Variants in AKT3 observed in about 807,000 individuals in gnomAD.
AKT3 encodes RAC-gamma serine/threonine-protein kinase.
Under a neutral mutation model 65.3 loss-of-function variants are expected in AKT3, and 15 were observed. The ratio of observed to expected loss-of-function variants is 0.23; its 90% CI spans 0.15 to 0.35. The LOEUF (loss-of-function observed/expected upper bound fraction) is 0.35, where lower values mean the gene tolerates loss of function less well. AKT3 is among the 10% of genes least tolerant of loss of function. The pLI is 1.00. For synonymous variants in AKT3, 206 were observed against 183.8 expected, an observed-to-expected ratio of 1.12 and a Z score of -0.98; for missense variants, 243 against 576.5, an observed-to-expected ratio of 0.42 and a Z score of 5.92.
chr1:243,534,535 A>G (rs1019212681), intron 12 of AKT3, among the ~76,000 whole-genome samples: 1 of 152,248 alleles, frequency 6.6e-6, no homozygotes, highest in Non-Finnish European at 1.5e-5. Flanking sequence ...ATTTTATCCA[A>G]GAAAAGCAGA....
intron 3 of AKT3, among the ~76,000 whole-genome samples, chr1:243,684,986 C>T (rs1407092956): frequency 6.6e-6 from 1 of 152,066 alleles, no homozygotes. Flanking sequence ...TATCCTTTGC[C>T]CACTTTTTGA....
chr1:243,647,695 C>G (rs561335804), intron 4 of AKT3, among the ~76,000 whole-genome samples: 1 of 152,292 alleles, frequency 6.6e-6, no homozygotes, highest in African/African-American at 2.4e-5. Context: ...ATGTGGTATG[C>G]AAACAAGAGC....
intron 13 of AKT3, among the ~76,000 whole-genome samples, chr1:243,490,900 C>A (rs549527902): frequency 6.6e-6 from 1 of 152,372 alleles, no homozygotes; most frequent in East Asian, 1.9e-4. Context: ...GCAGCACCTG[C>A]TTTAGGCCTG....
chr1:243,749,179 C>T (rs1688653859), intron 2 of AKT3, among the ~76,000 whole-genome samples: 1 of 152,208 alleles, frequency 6.6e-6, no homozygotes, highest in Non-Finnish European at 1.5e-5. Flanking sequence ...TCATTATACA[C>T]ATCTTATCAG....
At chr1:243,577,275 T>C (rs771761303) in intron 8 of AKT3, among the ~76,000 whole-genome samples, 1 of 152,128 alleles carries the variant, frequency 6.6e-6, no homozygotes, top group African/African-American at 2.4e-5. Flanking sequence ...GCCTCCTGAG[T>C]AGCTGAGATT....
At chr1:243,582,447 CA>C (rs59718769) in intron 8 of AKT3, among the ~76,000 whole-genome samples, 6,863 of 100,914 alleles carry the variant, frequency 0.068, 145 homozygotes, top group East Asian at 0.13. Flanking sequence ...TTAGCTTTCT[CA>C]AAAAAAAAAA....
chr1:243,805,933 A>G (rs1481760236), intron 2 of AKT3, among the ~76,000 whole-genome samples: 1 of 152,232 alleles, frequency 6.6e-6, no homozygotes, highest in Non-Finnish European at 1.5e-5. Context: ...AAAAGGGTGA[A>G]TAACCATTTT....
At chr1:243,658,781 T>C (rs565389357) in intron 4 of AKT3, among the ~76,000 whole-genome samples, 1 of 150,604 alleles carries the variant, frequency 6.6e-6, no homozygotes, top group East Asian at 1.9e-4. Flanking sequence ...GGCTCATGCC[T>C]GTAATTCCAG....
chr1:243,735,338 T>C (rs1558764784), intron 2 of AKT3, among the ~76,000 whole-genome samples: 1 of 152,248 alleles, frequency 6.6e-6, no homozygotes, highest in Non-Finnish European at 1.5e-5. Flanking sequence ...GTTACATCAC[T>C]AGGCAATAAG....
chr1:243,590,976 C>T (rs1010973341), intron 8 of AKT3, among the ~76,000 whole-genome samples: 4 of 152,124 alleles, frequency 2.6e-5, no homozygotes, highest in Non-Finnish European at 5.9e-5. Flanking sequence ...AATGTCCAGG[C>T]TGTAACACAG....
chr1:243,697,102 T>C (rs1005496513), intron 2 of AKT3, among the ~76,000 whole-genome samples: 5 of 152,084 alleles, frequency 3.3e-5, no homozygotes, highest in Non-Finnish European at 7.4e-5. Context: ...TAGATTTTTA[T>C]CTATGTTTAC....
At chr1:243,606,491 A>T (rs530034662) in intron 8 of AKT3, among the ~76,000 whole-genome samples, 1 of 152,314 alleles carries the variant, frequency 6.6e-6, no homozygotes, top group East Asian at 1.9e-4. Context: ...CTAGAGATCT[A>T]AGGAACTTTG....
At position 243,536,791 on chromosome 1, in the gene AKT3, G is replaced by T. The variant is rs77334816; in HGVS notation, c.1251+8719C>A. ...TCATGACCAAAAGAAGACACTAATT[G>T]TAAGGCTTAGCCATCAGAATGTCTA... On this transcript the variant is annotated intron_variant, in intron 12 of 13. Transcript: ENST00000673466. Among the ~76,000 whole-genome samples the T allele has an allele frequency of 5.8e-3, 890 of 152,224 alleles. 11 individuals carry two copies. Among genetic ancestry groups the T allele is most frequent in the African/African-American group, 0.02 (821 of 41,528 alleles).
chr1:243,539,808 A>C (rs1193276443), intron 12 of AKT3, among the ~76,000 whole-genome samples: 1 of 152,192 alleles, frequency 6.6e-6, no homozygotes, highest in Non-Finnish European at 1.5e-5. Flanking sequence ...AAAATGTGCA[A>C]AGCATGACTA....
At chr1:243,619,572 C>G (rs1175236683) in intron 6 of AKT3, among the ~76,000 whole-genome samples, 1 of 98,614 alleles carries the variant, frequency 1.0e-5, no homozygotes, top group African/African-American at 2.6e-5. Context: ...TTTTTTAGCT[C>G]CCACATAAGA....
At chr1:243,742,069 A>AC (rs1688190404) in intron 2 of AKT3, among the ~76,000 whole-genome samples, 1 of 151,048 alleles carries the variant, frequency 6.6e-6, no homozygotes, top group Admixed American at 6.6e-5. Context: ...TAAAAAAAAA[A>AC]AAAAAAAACA....
chr1:243,514,171 C>T (rs1193328907), intron 12 of AKT3, among the ~76,000 whole-genome samples: 1 of 152,136 alleles, frequency 6.6e-6, no homozygotes, highest in African/African-American at 2.4e-5. Flanking sequence ...ACAAGAAATT[C>T]CTGTGGCTGG....
chr1:243,680,305 T>C (rs1683824487), intron 3 of AKT3, among the ~76,000 whole-genome samples: 1 of 151,980 alleles, frequency 6.6e-6, no homozygotes, highest in Non-Finnish European at 1.5e-5. Flanking sequence ...ACAAAACAAA[T>C]GAATGAAAAA....
At chr1:243,655,288 T>G (rs928095157) in intron 4 of AKT3, among the ~76,000 whole-genome samples, 3 of 144,120 alleles carry the variant, frequency 2.1e-5, no homozygotes, top group Non-Finnish European at 4.8e-5. Context: ...ATGGGGCTCT[T>G]TCTTTTTAAT....
Sources: allele counts gnomAD v4.1 joint callset (sites outside exome capture counted in the v4.1 genomes callset), GRCh38; gene constraint gnomAD v4.1.1; transcripts MANE v1.5; gene names NCBI Gene and HGNC (gene_info 2026-07-23, HGNC 2026-07-21).